The following COL4A4 variants were observed in gnomAD, a reference collection of about 807,000 sequenced individuals.
COL4A4 encodes the protein collagen alpha-4(IV) chain.
A neutral mutation model predicts 192.9 loss-of-function variants in COL4A4; 105 were observed. The ratio of observed to expected loss-of-function variants is 0.54; its 90% CI spans 0.46 to 0.64. The LOEUF (loss-of-function observed/expected upper bound fraction) is 0.64. Ranked by LOEUF, COL4A4 falls within the 30% of genes least tolerant of loss-of-function variation. COL4A4 has a pLI of 0.00. For missense variants in COL4A4, 1,967 were observed against 2,169.3 expected, an observed-to-expected ratio of 0.91 and a Z score of 1.85; for synonymous variants, 762 against 769.9, an observed-to-expected ratio of 0.99 and a Z score of 0.17.
In COL4A4 at chr2:227,085,566, G is replaced by A. The variant is rs565209365; in HGVS notation, c.1623+3087C>T. Among the ~76,000 whole-genome samples, 5 of 152,310 alleles carry A rather than the reference G, an allele frequency of 3.3e-5. No homozygotes were observed. The East Asian group carries it at 5.8e-4, about 18-fold the overall frequency. On this transcript the variant is annotated intron_variant, in intron 22 of 47. Transcript: ENST00000396625. ...CCAGCATCTGCTCAGCTTCTGGTAA[G>A]CCCTCAGGAAGCTTCCAATCATGGC...
intron 4 of COL4A4, among the ~76,000 whole-genome samples, chr2:227,132,270 GC>G (rs902737071): frequency 2.8e-4 from 43 of 152,116 alleles, no homozygotes; most frequent in African/African-American, 9.9e-4. Context: ...ACAGTGCCTG[GC>G]GCTCCTCAGG....
At chr2:226,978,767 C>T in the COL4A4 span, among the ~76,000 whole-genome samples, 7 of 152,286 alleles carry the variant, frequency 4.6e-5, no homozygotes, top group South Asian at 1.5e-3. Context: ...AGGCAAAGGA[C>T]CCTCACTGGG....
chr2:227,122,872 TA>T (rs201204986), intron 4 of COL4A4, among the ~76,000 whole-genome samples: 2,216 of 151,786 alleles, frequency 0.015, 43 homozygotes, highest in African/African-American at 0.051. Flanking sequence ...TTATTATTAT[TA>T]TTTTTTTTTG....
intron 4 of COL4A4, among the ~76,000 whole-genome samples, chr2:227,130,796 T>C (rs1297212799): frequency 2.6e-5 from 4 of 152,214 alleles, no homozygotes; most frequent in Admixed American, 2.6e-4. Context: ...CGGGCACCAC[T>C]GTCTGCACAG....
At chr2:227,019,048 A>G (rs984294696) in intron 44 of COL4A4, among the ~76,000 whole-genome samples, 2 of 152,188 alleles carry the variant, frequency 1.3e-5, no homozygotes, top group African/African-American at 4.8e-5. Flanking sequence ...GGTGACCCCA[A>G]CCATCCCTCT....
At chr2:227,153,130 T>C (rs1036110597) in intron 1 of COL4A4, among the ~76,000 whole-genome samples, 2 of 152,162 alleles carry the variant, frequency 1.3e-5, no homozygotes, top group South Asian at 4.1e-4. Context: ...ATGAGACTTA[T>C]TCACCACCAC....
intron 25 of COL4A4, among the ~76,000 whole-genome samples, chr2:227,063,816 G>A (rs1021390592): frequency 1.3e-5 from 2 of 151,726 alleles, no homozygotes; most frequent in African/African-American, 4.8e-5. Context: ...TCTATACTTT[G>A]AGTATGTGTA....
In COL4A4 at chr2:227,160,965, G is replaced by C. The variant is rs1449950367; in HGVS notation, c.-102+3042C>G. On this transcript the variant is annotated intron_variant, in intron 1 of 47. Transcript: ENST00000396625. ...TTAAAAGGAAAAGGATGGCTAAGAGGGGAGATGAAATGAAACAAGATTAAT... is the reference window on the plus strand; with the variant it reads ...TTAAAAGGAAAAGGATGGCTAAGAGCGGAGATGAAATGAAACAAGATTAAT... 4.6e-5 allele frequency among the ~76,000 whole-genome samples: 7 copies of C among 152,190 alleles called. No individual in the cohort carries two copies. In the East Asian group the frequency reaches 1.3e-3, roughly 29 times the overall value.
chr2:226,971,204 C>T, the COL4A4 span, among the ~76,000 whole-genome samples: 1 of 152,228 alleles, frequency 6.6e-6, no homozygotes, highest in Non-Finnish European at 1.5e-5. Flanking sequence ...CTCTCATTCA[C>T]TCCTGTTTCC....
chr2:227,144,520 T>G lies in COL4A4; in HGVS notation c.110A>C (p.Tyr37Ser). The G allele has an allele frequency of 6.2e-7, 1 of 1,610,030 alleles. No homozygotes were observed. The highest frequency in any genetic ancestry group is 8.5e-7 in the Non-Finnish European group (1 of 1,176,446). The change falls in exon 3 of 48, where the codon TAT becomes TCT. Residue 37 changes from tyrosine (Y) to serine (S), a missense_variant. Transcript: ENST00000396625. ...AGAGCTAGTGAATGTACTTACCCCA[T>G]ATACATATTGTACAGAAAAGAGAAT... ...ILILFSVQYV[Y>S]GSGKKYIGPC...
chr2:227,141,081 C>T (rs907301875), intron 3 of COL4A4, among the ~76,000 whole-genome samples: 3 of 152,212 alleles, frequency 2.0e-5, no homozygotes, highest in African/African-American at 7.2e-5. Flanking sequence ...AACATGAGCA[C>T]TGAGCGTGCA....
intron 37 of COL4A4, among the ~76,000 whole-genome samples, chr2:227,039,230 A>C (rs1179913096): frequency 2.6e-5 from 4 of 152,068 alleles, no homozygotes; most frequent in African/African-American, 9.7e-5. Flanking sequence ...TCAGTGGTGC[A>C]ATCTCAGTTC....
In COL4A4 at chr2:227,112,033, G is replaced by C. The variant is rs2272528; in HGVS notation, c.559-320C>G. Reference sequence around the variant, plus strand: ...TCCTCACAGTTTACCTGTTGCTGGTGTCTTTCCACACCTTGCTATGCTTTA... The same window carrying C: ...TCCTCACAGTTTACCTGTTGCTGGTCTCTTTCCACACCTTGCTATGCTTTA... On this transcript the variant is annotated intron_variant, in intron 8 of 47. Transcript: ENST00000396625. Among the ~76,000 whole-genome samples, 25,590 of 151,938 alleles carry C rather than the reference G, an allele frequency of 0.17. 2,901 individuals carry two copies. The highest frequency in any genetic ancestry group is 0.31 in the East Asian group (1,592 of 5,136).
intron 1 of COL4A4, among the ~76,000 whole-genome samples, chr2:227,150,490 CTTATTA>C (rs1201438491): frequency 1.3e-5 from 2 of 152,170 alleles, no homozygotes; most frequent in East Asian, 1.9e-4. Flanking sequence ...TAAGAATTCT[CTTATTA>C]TAAGAATTAT....
the COL4A4 span, among the ~76,000 whole-genome samples, chr2:226,980,873 ATAAT>A: frequency 6.6e-5 from 10 of 152,330 alleles, no homozygotes; most frequent in East Asian, 3.9e-4. Flanking sequence ...GAATTTATAA[ATAAT>A]TAATGTCTAT....
chr2:227,147,943 A>G (rs1231175977), intron 1 of COL4A4, among the ~76,000 whole-genome samples: 1 of 151,764 alleles, frequency 6.6e-6, no homozygotes, highest in Non-Finnish European at 1.5e-5. Flanking sequence ...CCAAGTTAAA[A>G]TTCACTCAAA....
At chr2:227,115,030 C>T (rs1016092217) in intron 7 of COL4A4, among the ~76,000 whole-genome samples, 4 of 151,722 alleles carry the variant, frequency 2.6e-5, no homozygotes, top group Non-Finnish European at 5.9e-5. Context: ...AATTTATGCC[C>T]TAGAAACAGT....
chr2:227,107,975 C>G (rs2060958937), intron 12 of COL4A4, among the ~76,000 whole-genome samples: 1 of 152,040 alleles, frequency 6.6e-6, no homozygotes, highest in Non-Finnish European at 1.5e-5. Flanking sequence ...CCAGGATGGT[C>G]TCAGTCTCTT....
chr2:227,057,497 T>C lies in COL4A4; in HGVS notation c.2487A>G (p.Glu829=). 6.2e-7 allele frequency: 1 copy of C among 1,613,102 alleles called. No individual in the cohort carries two copies. The highest frequency in any genetic ancestry group is 8.5e-7 in the Non-Finnish European group (1 of 1,179,668). Residue 829 remains glutamate, a synonymous_variant, in exon 29 of 48, where the codon GAA becomes GAG. Coordinates refer to ENST00000396625, the MANE Select transcript of COL4A4 (RefSeq NM_000092.5). ...GVPGPPGHSC[E]RGAPGIPGQP... ...GCCCTGGTATCCCTGGAGCACCTCT[T>C]TCACAGGAATGGCCAGGTGGACCTG... is the stretch of plus-strand genomic sequence containing the variant.
Sources: allele counts gnomAD v4.1 joint callset (sites outside exome capture counted in the v4.1 genomes callset), GRCh38; gene constraint gnomAD v4.1.1; transcripts MANE v1.5; gene names NCBI Gene and HGNC (gene_info 2026-07-23, HGNC 2026-07-21).